The following CA12 variants were observed in gnomAD, a reference collection of about 807,000 sequenced individuals.
CA12 encodes the protein carbonic anhydrase 12.
In CA12, 36 loss-of-function variants were observed where a neutral mutation model predicts 46.8. The ratio of observed to expected loss-of-function variants is 0.77; its 90% CI spans 0.59 to 1.02. The LOEUF (loss-of-function observed/expected upper bound fraction) is 1.02, where lower values mean the gene tolerates loss of function less well. Among genes scored for constraint, CA12 ranks in the 50% least tolerant of loss-of-function variants. CA12 has a pLI of 0.00. For missense variants in CA12, 436 were observed against 451.4 expected (o/e 0.97, Z 0.31); for synonymous variants, 202 against 187.0 (o/e 1.08, Z -0.65).
At chr15:63,370,493 C>A (rs532304536) in intron 2 of CA12, among the ~76,000 whole-genome samples, 1 of 150,802 alleles carries the variant, frequency 6.6e-6, no homozygotes. Context: ...CATATCTGGG[C>A]GGGGCACGGT....
chr15:63,376,602 C>CTTTCTTTCTTTCTTTCTT (rs1391310984), intron 1 of CA12, among the ~76,000 whole-genome samples: 39 of 142,010 alleles, frequency 2.7e-4, no homozygotes, highest in African/African-American at 5.5e-4. Flanking sequence ...TTCTTTCTTT[C>CTTTCTTTCTTTCTTTCTT]TCTCTCTCTC....
chr15:63,333,018 G>T (rs573213388), intron 8 of CA12, among the ~76,000 whole-genome samples: 55 of 152,224 alleles, frequency 3.6e-4, no homozygotes, highest in Non-Finnish European at 7.3e-4. Context: ...ACATAACAGA[G>T]ATGGAGACGT....
chr15:63,340,605 T>C lies in CA12; in HGVS notation c.589+115A>G, dbSNP rs979077741. The stretch of plus-strand genomic sequence containing the variant: ...ACATTGTTCAACAACCTGCTGCTCT[T>C]AACCTGGTGAACACAGACAGCACCT... On this transcript the variant is annotated intron_variant, in intron 6 of 10. Transcript: ENST00000178638. This position sits in a 1 kb window ranked among gnomAD's most constrained non-coding sequence, Gnocchi z 4.4. The C allele has an allele frequency of 1.4e-6, 2 of 1,402,274 alleles. No individual in the cohort carries two copies. The highest frequency in any genetic ancestry group is 1.8e-4 in the Middle Eastern group (1 of 5,630). The allele number at this position is 1,402,274 out of a possible 1,614,324, so 86.9% of individuals were successfully genotyped here. A position where few individuals can be genotyped will look rare whatever the true frequency, so the allele number is the denominator to read the frequency against.
chr15:63,338,961 G>C lies in CA12; in HGVS notation c.748-16C>G, dbSNP rs1266010284. ...AAGCCAGCAGCTGAGGGCAAGAGCA[G>C]AAATAGCCCGCAGGCAGAATGACCT... is the stretch of plus-strand genomic sequence containing the variant. On this transcript the variant is annotated splice_polypyrimidine_tract_variant and intron_variant, in intron 7 of 10. Coordinates refer to ENST00000178638, the MANE Select transcript of CA12 (RefSeq NM_001218.5). 5 of 1,614,120 alleles carry C rather than the reference G, an allele frequency of 3.1e-6. No individual in the cohort carries two copies. In the South Asian group the frequency reaches 5.5e-5, roughly 18 times the overall value.
In CA12 at chr15:63,340,389, C is replaced by T. The variant is rs369127344; in HGVS notation, c.646G>A (p.Ala216Thr). ...GACCCCCGGTAGCGGTAATATTCAGCGGTCCTCTCCGGAAGCAGCTCTTCA... is the reference window on the plus strand; with the variant it reads ...GACCCCCGGTAGCGGTAATATTCAGTGGTCCTCTCCGGAAGCAGCTCTTCA... The part of the protein sequence containing the change: ...NIEELLPERT[A>T]EYYRYRGSLT... The change falls in exon 7 of 11, where the codon GCT (alanine) becomes ACT (threonine). Residue 216 changes from alanine (A) to threonine (T), a missense_variant. Ala to Thr is a moderately conservative substitution (Grantham distance 58). Transcript: ENST00000178638. The surrounding 1 kb of genome is among the most constrained non-coding windows in gnomAD (Gnocchi z 4.4). 7.4e-6 allele frequency: 12 copies of T among 1,614,100 alleles called. No homozygotes were observed. Among genetic ancestry groups the T allele is most frequent in the Admixed American group, 1.7e-5 (1 of 60,018 alleles).
Position 63,340,100 on chromosome 15 carries a change from T to C in CA12, c.747+188A>G, listed in dbSNP as rs2039057096. The C allele has an allele frequency of 1.4e-6, 1 of 697,228 alleles. No individual in the cohort carries two copies. The highest frequency in any genetic ancestry group is 3.9e-4 in the Middle Eastern group (1 of 2,558). 43.2% of individuals were successfully genotyped at this position (697,228 alleles called of 1,614,324 possible). A position where few individuals can be genotyped will look rare whatever the true frequency, so the allele number is the denominator to read the frequency against. ...ACTAGGAGACATCTATTCATTTGCC[T>C]AGCTTGACTTCTTTTGAAGCTCAGC... On this transcript the variant is annotated intron_variant, in intron 7 of 10. Coordinates refer to ENST00000178638, the MANE Select transcript of CA12 (RefSeq NM_001218.5). The surrounding 1 kb of genome is among the most constrained non-coding windows in gnomAD (Gnocchi z 4.4).
intron 2 of CA12, among the ~76,000 whole-genome samples, chr15:63,357,546 T>C (rs1477771642): frequency 6.6e-6 from 1 of 152,144 alleles, no homozygotes; most frequent in Non-Finnish European, 1.5e-5. Flanking sequence ...GCAGCCAAAG[T>C]AGGGAAGAGC....
chr15:63,328,193 C>T lies in CA12; in HGVS notation c.875-63G>A, dbSNP rs1299662537. On this transcript the variant is annotated intron_variant, in intron 8 of 10. Transcript: ENST00000178638. This position sits in a 1 kb window ranked among gnomAD's most constrained non-coding sequence, Gnocchi z 5.9. Reference sequence around the variant, plus strand: ...GTCAAACCACACTGGATTTGAGCAGCGTGTTGAGAGACGCTCTACCATTTG... The same window carrying T: ...GTCAAACCACACTGGATTTGAGCAGTGTGTTGAGAGACGCTCTACCATTTG... 1.3e-5 allele frequency: 19 copies of T among 1,457,264 alleles called. No individual in the cohort carries two copies. The highest frequency in any genetic ancestry group is 8.0e-5 in the South Asian group (7 of 87,784). 90.3% of individuals were successfully genotyped at this position (1,457,264 alleles called of 1,614,324 possible). A position where few individuals can be genotyped will look rare whatever the true frequency, so the allele number is the denominator to read the frequency against.
intron 2 of CA12, among the ~76,000 whole-genome samples, chr15:63,367,816 A>G (rs2039454883): frequency 6.6e-6 from 1 of 152,352 alleles, no homozygotes; most frequent in East Asian, 1.9e-4. Context: ...AGGTAATTGG[A>G]AAGTTTTCTC....
At chr15:63,377,584 T>C (rs974552861) in intron 1 of CA12, among the ~76,000 whole-genome samples, 1 of 152,222 alleles carries the variant, frequency 6.6e-6, no homozygotes, top group African/African-American at 2.4e-5. Flanking sequence ...TCCAATGTAA[T>C]TGGTAATTTT....
chr15:63,343,010 G>C (rs2039101435), intron 4 of CA12, among the ~76,000 whole-genome samples: 1 of 152,194 alleles, frequency 6.6e-6, no homozygotes, highest in East Asian at 1.9e-4. Flanking sequence ...CCTCTATTAA[G>C]GATTTCTTCA....
chr15:63,346,928 G>A (rs1251824773), intron 2 of CA12, among the ~76,000 whole-genome samples: 1 of 152,204 alleles, frequency 6.6e-6, no homozygotes, highest in Non-Finnish European at 1.5e-5. Flanking sequence ...GACTAGGGCT[G>A]CACAGGCCAG....
chr15:63,371,362 C>A (rs2039503912), intron 2 of CA12, among the ~76,000 whole-genome samples: 1 of 152,178 alleles, frequency 6.6e-6, no homozygotes, highest in Non-Finnish European at 1.5e-5. Flanking sequence ...AAGGAATGCA[C>A]AGCACTGCCC....
At position 63,374,811 on chromosome 15, in the gene CA12, C is replaced by A. The variant is rs1032881853; in HGVS notation, c.106+847G>T. Among the ~76,000 whole-genome samples the A allele has an allele frequency of 1.3e-5, 2 of 152,234 alleles. No homozygotes were observed. Among genetic ancestry groups the A allele is most frequent in the African/African-American group, 4.8e-5 (2 of 41,462 alleles). On this transcript the variant is annotated intron_variant, in intron 2 of 10. Transcript: ENST00000178638. This position sits in a 1 kb window ranked among gnomAD's most constrained non-coding sequence, Gnocchi z 4.4. ...TGTGGCTTTAACTTTGGCCACAACC[C>A]TGCTTGCTTAAAATGCCTCCTGTGC...
chr15:63,366,727 T>C (rs1462528460), intron 2 of CA12, among the ~76,000 whole-genome samples: 1 of 152,202 alleles, frequency 6.6e-6, no homozygotes, highest in Non-Finnish European at 1.5e-5. Flanking sequence ...TATATAAATA[T>C]GTTTAAAAAC....
chr15:63,377,380 A>G (rs1167563579), intron 1 of CA12, among the ~76,000 whole-genome samples: 3 of 152,210 alleles, frequency 2.0e-5, no homozygotes, highest in African/African-American at 7.2e-5. Context: ...ATTAGTTTGC[A>G]GTAAAACTTA....
intron 2 of CA12, among the ~76,000 whole-genome samples, chr15:63,353,794 G>C (rs1407607795): frequency 2.0e-5 from 3 of 152,162 alleles, no homozygotes; most frequent in Non-Finnish European, 2.9e-5. Flanking sequence ...TGATCCTCCT[G>C]CCTCAGCCTC....
Position 63,342,070 on chromosome 15 carries a change from G to T in CA12, c.457C>A (p.Leu153Ile). ...ELHIVHYNSD[L>I]YPDASTASNK... ...CTGGCAGTGCTGGCGTCAGGATAAAGGTCTGAGTTATAATGGACAATGTGC... is the reference window on the plus strand; with the variant it reads ...CTGGCAGTGCTGGCGTCAGGATAAATGTCTGAGTTATAATGGACAATGTGC... The change falls in exon 5 of 11, where the codon CTT becomes ATT. Residue 153 changes from leucine to isoleucine, a missense_variant. Coordinates refer to ENST00000178638, the MANE Select transcript of CA12 (RefSeq NM_001218.5). 1 of 1,613,966 alleles carries T rather than the reference G, an allele frequency of 6.2e-7. No homozygotes were observed.
chr15:63,342,147 C>T, intron 4 of CA12, 50 bp from the exon 5 acceptor site: 3 of 1,210,042 alleles, frequency 2.5e-6, no homozygotes, highest in Non-Finnish European at 2.4e-6. Flanking sequence ...CTCATGGGAG[C>T]CTGTCGCTTC....
Sources: allele counts gnomAD v4.1 joint callset (sites outside exome capture counted in the v4.1 genomes callset), GRCh38; gene constraint gnomAD v4.1.1; non-coding constraint Gnocchi (gnomAD v3.1); transcripts MANE v1.5; gene names NCBI Gene and HGNC (gene_info 2026-07-23, HGNC 2026-07-21).